Variants in FCN1 observed in about 807,000 individuals in gnomAD.
FCN1 encodes the protein ficolin 1.
FCN1 carries 42 observed loss-of-function variants against 35.6 expected under a neutral mutation model. The observed-to-expected ratio is 1.18, with a 90% CI of 0.92 to 1.53. FCN1 has a LOEUF of 1.53. FCN1 is among the 40% of genes most tolerant of loss of function. FCN1 has a pLI of 0.00. For missense variants in FCN1, 439 were observed against 428.4 expected, an observed-to-expected ratio of 1.02 and a Z score of -0.22; for synonymous variants, 179 against 169.8, an observed-to-expected ratio of 1.05 and a Z score of -0.42.
At position 134,910,180 on chromosome 9, in the gene FCN1, AC is replaced by A. The variant is rs1332072769; in HGVS notation, c.734-136del. The A allele has an allele frequency of 2.3e-5, 19 of 818,550 alleles. No individual in the cohort carries two copies. The African/African-American group carries it at 2.9e-4, about 12-fold the overall frequency. 50.7% of individuals were successfully genotyped at this position (818,550 alleles called of 1,614,324 possible). Reference sequence around the variant, plus strand: ...GAGCCGAGCTACAGGTGCACAAATGACCCACCCAGGCCTTGGAGGAAGGGGA... The same window carrying A: ...GAGCCGAGCTACAGGTGCACAAATGACCACCCAGGCCTTGGAGGAAGGGGA... On this transcript the variant is annotated intron_variant, in intron 8 of 8. Coordinates refer to ENST00000371806, the MANE Select transcript of FCN1 (RefSeq NM_002003.5).
chr9:134,909,709 G>T lies in FCN1; in HGVS notation c.*89C>A. ...CTGTGGGCGTCATGGGAGTGTGTCT[G>T]GCTGGGGAAATGGGGTGACTTCCAC... On this transcript the variant is annotated 3_prime_UTR_variant, in exon 9 of 9. Transcript: ENST00000371806. The T allele has an allele frequency of 6.3e-7, 1 of 1,596,636 alleles. No homozygotes were observed. The highest frequency in any genetic ancestry group is 8.5e-7 in the Non-Finnish European group (1 of 1,177,482).
chr9:134,912,536 A>G lies in FCN1; in HGVS notation c.548T>C (p.Leu183Pro). ...AAYKQGFGSQ[L>P]GEFWLGNDNI... ...GTCATTCCCCAGCCAGAACTCCCCCAGCTGACTGCCGAAGCCCTGCTTGTA... is the reference window on the plus strand; with the variant it reads ...GTCATTCCCCAGCCAGAACTCCCCCGGCTGACTGCCGAAGCCCTGCTTGTA... The change falls in exon 7 of 9, where the codon CTG becomes CCG. Residue 183 changes from leucine to proline, a missense_variant. Leu to Pro is a moderately conservative substitution (Grantham distance 98). Coordinates refer to ENST00000371806, the MANE Select transcript of FCN1 (RefSeq NM_002003.5). 6.2e-7 allele frequency: 1 copy of G among 1,614,032 alleles called. No individual in the cohort carries two copies. Among genetic ancestry groups the G allele is most frequent in the Non-Finnish European group, 8.5e-7 (1 of 1,179,930 alleles).
chr9:134,913,686 C>T, intron 4 of FCN1, 73 bp from the exon 5 acceptor site: 1 of 1,213,066 alleles, frequency 8.2e-7, no homozygotes. Flanking sequence ...CCAGTGGCTC[C>T]CTGAGCACAG....
At position 134,906,517 on chromosome 9, in the gene FCN1, A is replaced by T. The variant is rs1009163155; in HGVS notation, c.*3281T>A. On this transcript the variant is annotated 3_prime_UTR_variant, in exon 9 of 9. Transcript: ENST00000371806. The stretch of plus-strand genomic sequence containing the variant: ...GAGAAAACCCTCCTTAGCACTAATT[A>T]ATCTTTAAAAATCTAATAATTTAAC... 1.3e-5 allele frequency: 2 copies of T among 152,200 alleles called. No homozygotes were observed. The highest frequency in any genetic ancestry group is 4.8e-5 in the African/African-American group (2 of 41,446). The allele number at this position is 152,200 out of a possible 1,614,324, so 9.4% of individuals were successfully genotyped here.
chr9:134,916,592 G>A (rs189401117), intron 1 of FCN1, 131 bp from the exon 2 acceptor site: 6 of 901,748 alleles, frequency 6.7e-6, no homozygotes, highest in African/African-American at 6.6e-5. Flanking sequence ...GTGATGGGGG[G>A]CAGAGCTCTG....
At chr9:134,914,097 C>T (rs1456872360) in intron 4 of FCN1, among the ~76,000 whole-genome samples, 3 of 152,198 alleles carry the variant, frequency 2.0e-5, no homozygotes, top group Non-Finnish European at 4.4e-5. Flanking sequence ...TAAACTTTTA[C>T]AATTTTTGCA....
rs1430696552 is a variant in FCN1, at chr9:134,908,852, A to G, written c.*946T>C. 2 of 206,748 alleles carry G rather than the reference A, an allele frequency of 9.7e-6. No individual in the cohort carries two copies. The highest frequency in any genetic ancestry group is 2.6e-4 in the East Asian group (2 of 7,642). The allele number at this position is 206,748 out of a possible 1,614,324, so 12.8% of individuals were successfully genotyped here. ...CCATTTGTGGTGACTGGTTGCGGCA[A>G]TAGTAGAAAACTAAAGATTTGTGTG... On this transcript the variant is annotated 3_prime_UTR_variant, in exon 9 of 9. Coordinates refer to ENST00000371806, the MANE Select transcript of FCN1 (RefSeq NM_002003.5).
At chr9:134,910,356 G>A (rs1105324) in intron 8 of FCN1, among the ~76,000 whole-genome samples, 88,871 of 151,868 alleles carry the variant, frequency 0.59, 26,277 homozygotes, top group Non-Finnish European at 0.63. Context: ...TCCAGCCTGC[G>A]CCGCTCCTTC....
chr9:134,912,379 C>T (rs939143101), intron 7 of FCN1, 107 bp downstream of exon 7: 43 of 1,193,884 alleles, frequency 3.6e-5, no homozygotes, highest in Non-Finnish European at 4.9e-5. Context: ...GTGCTCAGGG[C>T]CCAATCCCCT....
chr9:134,907,448 A>T lies in FCN1; in HGVS notation c.*2350T>A, dbSNP rs1830968997. The T allele has an allele frequency of 6.6e-6, 1 of 152,256 alleles. No homozygotes were observed. 9.4% of individuals were successfully genotyped at this position (152,256 alleles called of 1,614,324 possible). ...ACATAACATGTACTCAAAAGTGTAT[A>T]AAGCAAAAGTACAGCTTAATTATTT... On this transcript the variant is annotated 3_prime_UTR_variant, in exon 9 of 9. Transcript: ENST00000371806.
In FCN1 at chr9:134,917,839, C is replaced by A. The variant is rs10858293; in HGVS notation, c.33G>T (p.Gly11=). MELSGATMAR[G]LAVLLVLFLH... Reference sequence around the variant, plus strand: ...GGAACAAGACTAGCAGGACAGCGAGCCCCCGGGCCATGGTGGCTCCACTCA... The same window carrying A: ...GGAACAAGACTAGCAGGACAGCGAGACCCCGGGCCATGGTGGCTCCACTCA... Residue 11 remains glycine (G), a synonymous_variant, in exon 1 of 9, where the codon GGG becomes GGT. Transcript: ENST00000371806. 506,618 of 1,612,054 alleles carry A rather than the reference C, an allele frequency of 0.31. 82,141 individuals are homozygous for A. Among genetic ancestry groups the A allele is most frequent in the Non-Finnish European group, 0.33 (393,560 of 1,178,510 alleles).
chr9:134,914,511 G>T, intron 3 of FCN1, 91 bp from the exon 4 acceptor site: 1 of 1,266,734 alleles, frequency 7.9e-7, no homozygotes. Context: ...CCTGGACACT[G>T]CATCTCCCCA....
intron 4 of FCN1, among the ~76,000 whole-genome samples, chr9:134,914,156 C>G (rs1289958075): frequency 2.0e-5 from 3 of 152,222 alleles, no homozygotes; most frequent in Non-Finnish European, 4.4e-5. Flanking sequence ...GTGTCACCAT[C>G]TATGCACTGA....
chr9:134,909,869 T>C lies in FCN1; in HGVS notation c.910A>G (p.Ile304Val). The change falls in exon 9 of 9, where the codon ATC becomes GTC. Residue 304 changes from isoleucine (I) to valine (V), a missense_variant. Coordinates refer to ENST00000371806, the MANE Select transcript of FCN1 (RefSeq NM_002003.5). ...TACCCCTTCGCCGCACTCCAGTTGA[T>C]ACCATTGGCATAGCTCTCATGGGGT... ...MGPHESYANG[I>V]NWSAAKGYKY... The C allele has an allele frequency of 6.2e-7, 1 of 1,614,138 alleles. No individual in the cohort carries two copies.
intron 3 of FCN1, 91 bp downstream of exon 3, chr9:134,914,665 G>A (rs1831069513): frequency 2.1e-6 from 2 of 946,680 alleles, no homozygotes; most frequent in African/African-American, 1.6e-5. Flanking sequence ...CTGTGTCTGT[G>A]TCTCTGTCTC....
chr9:134,912,283 C>T (rs955482877), intron 7 of FCN1, among the ~76,000 whole-genome samples: 1 of 152,214 alleles, frequency 6.6e-6, no homozygotes, highest in African/African-American at 2.4e-5. Context: ...GGCCTTCAGC[C>T]CAGGGCTCTA....
Position 134,908,831 on chromosome 9 carries a change from T to C in FCN1, c.*967A>G, listed in dbSNP as rs1343227330. 1 of 204,276 alleles carries C rather than the reference T, an allele frequency of 4.9e-6. No homozygotes were observed. Among genetic ancestry groups the C allele is most frequent in the Non-Finnish European group, 1.0e-5 (1 of 99,522 alleles). The allele number at this position is 204,276 out of a possible 1,614,324, so 12.7% of individuals were successfully genotyped here. On this transcript the variant is annotated 3_prime_UTR_variant, in exon 9 of 9. Transcript: ENST00000371806. ...TTCTTGTTGTTTCAAGCCACTCCAT[T>C]TGTGGTGACTGGTTGCGGCAATAGT...
In FCN1 at chr9:134,914,382, C is replaced by G; in HGVS notation, c.307+3G>C. ...CAACTGCCTGGGCCCACGGGTGGCT[C>G]ACCTTTCTCTCCACGCATCCCCTTC... On this transcript the variant is annotated splice_donor_region_variant and intron_variant, in intron 4 of 8. Transcript: ENST00000371806. 6.2e-7 allele frequency: 1 copy of G among 1,614,004 alleles called. No homozygotes were observed. The highest frequency in any genetic ancestry group is 8.5e-7 in the Non-Finnish European group (1 of 1,179,870).
intron 2 of FCN1, among the ~76,000 whole-genome samples, chr9:134,916,017 A>T (rs1371241384): frequency 6.6e-6 from 1 of 152,192 alleles, no homozygotes; most frequent in Non-Finnish European, 1.5e-5. Flanking sequence ...CGGTCACCTC[A>T]ATTTTCAGGT....
Sources: gnomAD v4.1 joint callset for allele counts (sites outside exome capture counted in the v4.1 genomes callset) on GRCh38, gnomAD v4.1.1 for gene constraint, MANE v1.5 for transcripts, NCBI Gene and HGNC (gene_info 2026-07-23, HGNC 2026-07-21) for gene names.